PIAS2: variants seen among roughly 807,000 people sequenced by gnomAD.
PIAS2 encodes protein inhibitor of activated STAT 2, also known as E3 SUMO-protein ligase PIAS2.
A neutral mutation model predicts 69.7 loss-of-function variants in PIAS2; 19 were observed. The ratio of observed to expected loss-of-function variants is 0.27; its 90% CI spans 0.19 to 0.40. The LOEUF (loss-of-function observed/expected upper bound fraction) is 0.40, where lower values mean the gene tolerates loss of function less well. PIAS2 is among the 10% of genes least tolerant of loss of function. PIAS2 has a pLI of 1.00. For missense variants in PIAS2, 624 were observed against 757.0 expected (o/e 0.82, Z 2.06); for synonymous variants, 261 against 263.2 (o/e 0.99, Z 0.08).
intron 1 of PIAS2, among the ~76,000 whole-genome samples, chr18:46,895,261 C>T (rs2054666377): frequency 6.6e-6 from 1 of 152,074 alleles, no homozygotes; most frequent in African/African-American, 2.4e-5. Context: ...TCAATAAGAA[C>T]TCTGTAGATT....
At chr18:46,882,844 C>A (rs999976050) in intron 2 of PIAS2, among the ~76,000 whole-genome samples, 3 of 152,108 alleles carry the variant, frequency 2.0e-5, no homozygotes, top group African/African-American at 7.2e-5. Context: ...CAGAATAGTG[C>A]CCCCACTCCC....
intron 10 of PIAS2, among the ~76,000 whole-genome samples, chr18:46,828,458 C>T (rs569544681): frequency 4.1e-4 from 63 of 152,290 alleles, no homozygotes; most frequent in African/African-American, 1.3e-3. Flanking sequence ...GGTCAGCAGT[C>T]GTTTTACAGA....
At chr18:46,823,435 A>G (rs76750595) in intron 11 of PIAS2, among the ~76,000 whole-genome samples, 1,552 of 152,236 alleles carry the variant, frequency 0.01, 14 homozygotes, top group Non-Finnish European at 0.014. Flanking sequence ...CGTAACAACA[A>G]TAACAGAGCT....
chr18:46,880,275 G>C (rs2052000389), intron 2 of PIAS2, among the ~76,000 whole-genome samples: 1 of 152,130 alleles, frequency 6.6e-6, no homozygotes, highest in African/African-American at 2.4e-5. Context: ...GTGCACACCT[G>C]TGGTCCCAGC....
At chr18:46,918,697 C>T (rs1350837150), upstream of PIAS2, among the ~76,000 whole-genome samples, 1 of 152,178 alleles carries the variant, frequency 6.6e-6, no homozygotes, top group East Asian at 1.9e-4. Flanking sequence ...ACTGAGATTA[C>T]AGGCGTGAGC....
At chr18:46,830,856 AT>A (rs2043506901) in intron 9 of PIAS2, among the ~76,000 whole-genome samples, 1 of 152,192 alleles carries the variant, frequency 6.6e-6, no homozygotes, top group African/African-American at 2.4e-5. Flanking sequence ...CAAGGTCAGC[AT>A]TACTCTGATA....
At chr18:46,813,075 G>A (rs1158927348) in intron 13 of PIAS2, among the ~76,000 whole-genome samples, 1 of 152,122 alleles carries the variant, frequency 6.6e-6, no homozygotes, top group Non-Finnish European at 1.5e-5. Context: ...GATCCTTTAT[G>A]AATGTTAAGG....
rs192425378 is a variant in PIAS2, at chr18:46,899,752, C to A, written c.25-8698G>T. Among the ~76,000 whole-genome samples, 319 of 152,220 alleles carry A rather than the reference C, an allele frequency of 2.1e-3. 1 individual carries two copies. The highest frequency in any genetic ancestry group is 7.4e-3 in the African/African-American group (309 of 41,522). On this transcript the variant is annotated intron_variant, in intron 1 of 13. Transcript: ENST00000585916. Reference sequence around the variant, plus strand: ...AAAGTGCATAAGCCACCATGCTGGGCCCAGAATGAGTATTAAAATCACAGA... The same window carrying A: ...AAAGTGCATAAGCCACCATGCTGGGACCAGAATGAGTATTAAAATCACAGA...
At chr18:46,848,933 A>G (rs1376640880) in intron 5 of PIAS2, among the ~76,000 whole-genome samples, 2 of 152,100 alleles carry the variant, frequency 1.3e-5, no homozygotes, top group Non-Finnish European at 2.9e-5. Flanking sequence ...ATCAAGCACA[A>G]GGAGTATCAA....
In PIAS2 at chr18:46,872,350, T is replaced by G. The variant is rs73437151; in HGVS notation, c.500-8102A>C. ...CTTGGCTGAGGACAGCAGGGACATA[T>G]TTGTTTTTGAATGGGAAGATCCTCA... On this transcript the variant is annotated intron_variant, in intron 2 of 13. Coordinates refer to ENST00000585916, the MANE Select transcript of PIAS2 (RefSeq NM_004671.5). Among the ~76,000 whole-genome samples the G allele has an allele frequency of 5.1e-3, 776 of 152,326 alleles. 8 individuals carry two copies. The highest frequency in any genetic ancestry group is 0.018 in the African/African-American group (734 of 41,570).
chr18:46,895,480 G>T (rs1375670873), intron 1 of PIAS2, among the ~76,000 whole-genome samples: 1 of 152,134 alleles, frequency 6.6e-6, no homozygotes, highest in East Asian at 1.9e-4. Context: ...AGAACAGCCA[G>T]GCCAAAAAGG....
chr18:46,848,505 C>A (rs545813598), intron 5 of PIAS2, among the ~76,000 whole-genome samples: 38 of 152,182 alleles, frequency 2.5e-4, no homozygotes, highest in African/African-American at 9.2e-4. Flanking sequence ...AAAATATGCA[C>A]CTTAGGACCA....
chr18:46,919,577 A>G (rs1375467328), upstream of PIAS2, among the ~76,000 whole-genome samples: 1 of 152,142 alleles, frequency 6.6e-6, no homozygotes, highest in Admixed American at 6.5e-5. Context: ...TGAACCCAGG[A>G]GGTGGAGGTT....
intron 1 of PIAS2, among the ~76,000 whole-genome samples, chr18:46,898,245 C>T (rs1338624144): frequency 1.3e-5 from 2 of 152,036 alleles, no homozygotes; most frequent in Non-Finnish European, 2.9e-5. Flanking sequence ...GCAACCTCTG[C>T]CTCTGGGATT....
At chr18:46,902,593 T>C (rs1167342117) in intron 1 of PIAS2, among the ~76,000 whole-genome samples, 1 of 151,798 alleles carries the variant, frequency 6.6e-6, no homozygotes, top group Non-Finnish European at 1.5e-5. Flanking sequence ...CCTAAACAAA[T>C]AAATTCTTCA....
chr18:46,829,923 A>T (rs1464560217), intron 9 of PIAS2, 56 bp from the exon 10 acceptor site: 1 of 1,497,676 alleles, frequency 6.7e-7, no homozygotes, highest in African/African-American at 1.4e-5. Flanking sequence ...CTAAAGGTGA[A>T]ATAAGAAAGT....
At chr18:46,844,377 G>T (rs1210340767) in intron 7 of PIAS2, among the ~76,000 whole-genome samples, 1 of 152,052 alleles carries the variant, frequency 6.6e-6, no homozygotes, top group Admixed American at 6.6e-5. Flanking sequence ...TAAGACTTAA[G>T]AACAAAACAA....
chr18:46,859,515 G>A (rs2048353869), intron 3 of PIAS2, among the ~76,000 whole-genome samples: 5 of 151,234 alleles, frequency 3.3e-5, no homozygotes. Flanking sequence ...ATCACAAAGA[G>A]GCCTCTGTCA....
chr18:46,865,194 T>C (rs192983250), intron 2 of PIAS2, among the ~76,000 whole-genome samples: 1 of 152,064 alleles, frequency 6.6e-6, no homozygotes, highest in Non-Finnish European at 1.5e-5. Flanking sequence ...AGTTAATATA[T>C]ATAGAGGCCT....
Sources: gnomAD v4.1 joint callset for allele counts (sites outside exome capture counted in the v4.1 genomes callset) on GRCh38, gnomAD v4.1.1 for gene constraint, MANE v1.5 for transcripts, NCBI Gene and HGNC (gene_info 2026-07-23, HGNC 2026-07-21) for gene names.